The following LRP1B variants were observed in gnomAD, a reference collection of about 807,000 sequenced individuals.
LRP1B encodes LDL receptor related protein 1B.
A neutral mutation model predicts 556.6 loss-of-function variants in LRP1B; 217 were observed. The observed-to-expected ratio is 0.39, with a 90% confidence interval of 0.35 to 0.44. LRP1B has a LOEUF of 0.44. Ranked by LOEUF, LRP1B falls within the 20% of genes least tolerant of loss-of-function variation. The probability of loss-of-function intolerance (pLI) is 1.00; values close to 1 mark genes in which losing one functional copy is unlikely to be tolerated. For synonymous variants in LRP1B, 2,047 were observed against 1,865.8 expected (o/e 1.10, Z -2.50); for missense variants, 5,053 against 5,620.8 (o/e 0.90, Z 3.23).
At chr2:140,769,540 G>C (rs1250885906) in intron 34 of LRP1B, among the ~76,000 whole-genome samples, 196 bp from the exon 35 acceptor site, 1 of 151,874 alleles carries the variant, frequency 6.6e-6, no homozygotes, top group African/African-American at 2.4e-5. Context: ...TCTCAAACTT[G>C]ATTATGCATA....
chr2:141,732,039 C>G (rs1693292485), intron 2 of LRP1B, among the ~76,000 whole-genome samples: 1 of 152,136 alleles, frequency 6.6e-6, no homozygotes, highest in South Asian at 2.1e-4. Context: ...TTCTCCGCCT[C>G]CATTCACCCA....
At chr2:141,921,832 T>G (rs1442091760) in intron 1 of LRP1B, among the ~76,000 whole-genome samples, 1 of 152,078 alleles carries the variant, frequency 6.6e-6, no homozygotes, top group Non-Finnish European at 1.5e-5. Flanking sequence ...TACTTTAATT[T>G]TCCAAACCTA....
chr2:141,460,277 A>G (rs546709165), intron 3 of LRP1B, among the ~76,000 whole-genome samples: 2 of 152,286 alleles, frequency 1.3e-5, no homozygotes, highest in Non-Finnish European at 2.9e-5. Flanking sequence ...ATCATTCTCA[A>G]TGAATCCAAC....
At chr2:140,394,767 T>C (rs1016925375) in intron 66 of LRP1B, among the ~76,000 whole-genome samples, 3 of 152,186 alleles carry the variant, frequency 2.0e-5, no homozygotes, top group African/African-American at 7.2e-5. Flanking sequence ...ATTAGAAGTT[T>C]CTGTCGATAA....
intron 2 of LRP1B, among the ~76,000 whole-genome samples, chr2:141,722,719 C>CAGATAGAT (rs1425351762): frequency 7.1e-6 from 1 of 140,950 alleles, no homozygotes; most frequent in East Asian, 2.1e-4. Context: ...GATAGACAGG[C>CAGATAGAT]AGATAGATAC....
chr2:140,391,876 T>C (rs1370270185), intron 66 of LRP1B, among the ~76,000 whole-genome samples: 7 of 152,180 alleles, frequency 4.6e-5, no homozygotes, highest in Non-Finnish European at 8.8e-5. Flanking sequence ...TATTCTATTA[T>C]TTATGCTCAT....
At chr2:141,813,067 AG>A (rs1319803835) in intron 1 of LRP1B, among the ~76,000 whole-genome samples, 1 of 152,156 alleles carries the variant, frequency 6.6e-6, no homozygotes, top group African/African-American at 2.4e-5. Flanking sequence ...TTTTACAAAA[AG>A]CACCACCTCA....
At chr2:140,937,887 T>A (rs1410126125) in intron 20 of LRP1B, among the ~76,000 whole-genome samples, 1 of 151,774 alleles carries the variant, frequency 6.6e-6, no homozygotes, top group Non-Finnish European at 1.5e-5. Context: ...CTGCTTTGAG[T>A]GGATTCAACC....
At chr2:141,612,538 T>C (rs937691359) in intron 2 of LRP1B, among the ~76,000 whole-genome samples, 9 of 152,196 alleles carry the variant, frequency 5.9e-5, no homozygotes, top group Admixed American at 1.3e-4. Flanking sequence ...AAGAATTATA[T>C]TGCAAAGCAG....
At chr2:141,845,511 C>A (rs1464360563) in intron 1 of LRP1B, among the ~76,000 whole-genome samples, 1 of 151,850 alleles carries the variant, frequency 6.6e-6, no homozygotes, top group Non-Finnish European at 1.5e-5. Flanking sequence ...AATTGTGAAG[C>A]CTCCTAGAGG....
At chr2:140,340,676 T>A (rs548063184) in intron 77 of LRP1B, among the ~76,000 whole-genome samples, 6 of 150,714 alleles carry the variant, frequency 4.0e-5, no homozygotes, top group Admixed American at 6.6e-5. Context: ...AAAAAAAAAA[T>A]AAGTAGATTC....
chr2:141,736,757 C>T (rs962452017), intron 2 of LRP1B, among the ~76,000 whole-genome samples: 5 of 152,144 alleles, frequency 3.3e-5, no homozygotes, highest in Admixed American at 1.3e-4. Flanking sequence ...ATTTGCATCA[C>T]CTTTTCTCAG....
At chr2:140,537,176 A>C (rs1679944150) in intron 45 of LRP1B, among the ~76,000 whole-genome samples, 1 of 142,328 alleles carries the variant, frequency 7.0e-6, no homozygotes, top group African/African-American at 2.6e-5. Context: ...GTATCAAAAT[A>C]ATAATTATTA....
intron 1 of LRP1B, among the ~76,000 whole-genome samples, chr2:141,821,036 G>T (rs150187672): frequency 1.8e-4 from 28 of 152,304 alleles, no homozygotes; most frequent in Non-Finnish European, 2.1e-4. Flanking sequence ...CAAAGAAGTA[G>T]ATGAGCCAGG....
chr2:140,852,913 A>G (rs1278788491), intron 27 of LRP1B, among the ~76,000 whole-genome samples: 1 of 151,956 alleles, frequency 6.6e-6, no homozygotes, highest in Non-Finnish European at 1.5e-5. Flanking sequence ...AGTAGAAAAA[A>G]GTCACTAGAA....
intron 3 of LRP1B, among the ~76,000 whole-genome samples, chr2:141,470,756 G>T (rs12618990): frequency 0.69 from 104,232 of 152,038 alleles, 37,174 homozygotes; most frequent in East Asian, 0.83. Context: ...TGGCCTCACA[G>T]TTGAGGTCGA....
intron 84 of LRP1B, among the ~76,000 whole-genome samples, chr2:140,289,927 G>A (rs1294488590): frequency 6.6e-6 from 1 of 151,896 alleles, no homozygotes; most frequent in Admixed American, 6.6e-5. Context: ...ATCTTCATGA[G>A]TTTTTAAGAA....
chr2:140,316,744 TATAAA>T (rs1403274080), intron 82 of LRP1B, among the ~76,000 whole-genome samples: 1 of 151,858 alleles, frequency 6.6e-6, no homozygotes, highest in African/African-American at 2.4e-5. Flanking sequence ...GGAAAAAAAA[TATAAA>T]ATATAAAATT....
In LRP1B at chr2:141,062,177, C is replaced by T. The variant is rs2105468543; in HGVS notation, c.1110G>A (p.Glu370=). 2 of 1,611,924 alleles carry T rather than the reference C, an allele frequency of 1.2e-6. No individual in the cohort carries two copies. The highest frequency in any genetic ancestry group is 2.2e-5 in the South Asian group (2 of 91,044). ...GGTCTAGTGCCAGTGCAGCTGGCTG[C>T]TCTGTCTTTGAATCAATTATCCTTG... ...NRTRIIDSKT[E]QPAALALDLV... Residue 370 remains glutamate, a synonymous_variant, in exon 8 of 91, where the codon GAG becomes GAA. Coordinates refer to ENST00000389484, the MANE Select transcript of LRP1B (RefSeq NM_018557.3).
Sources: gnomAD v4.1 joint callset for allele counts (sites outside exome capture counted in the v4.1 genomes callset) on GRCh38, gnomAD v4.1.1 for gene constraint, MANE v1.5 for transcripts, NCBI Gene and HGNC (gene_info 2026-07-23, HGNC 2026-07-21) for gene names.